The following BIRC6 variants were observed in gnomAD, a reference collection of about 807,000 sequenced individuals.
BIRC6 encodes the protein baculoviral IAP repeat containing 6, also known as dual E2 ubiquitin-conjugating enzyme/E3 ubiquitin-protein ligase BIRC6.
A neutral mutation model predicts 503.3 loss-of-function variants in BIRC6; 98 were observed. That is an observed-to-expected ratio of 0.19 (90% CI 0.17 to 0.23). The LOEUF is 0.23. Among genes scored for constraint, BIRC6 ranks in the 10% least tolerant of loss-of-function variants. The probability of loss-of-function intolerance (pLI) is 1.00; values close to 1 mark genes in which losing one functional copy is unlikely to be tolerated. For missense variants in BIRC6, 5,360 were observed against 5,806.0 expected, an observed-to-expected ratio of 0.92 and a Z score of 2.50; for synonymous variants, 2,240 against 2,078.7, an observed-to-expected ratio of 1.08 and a Z score of -2.11.
At chr2:32,482,324 T>G in intron 38 of BIRC6, 105 bp from the exon 39 acceptor site, 6 of 1,099,920 alleles carry the variant, frequency 5.5e-6, no homozygotes, top group Non-Finnish European at 7.7e-6. Flanking sequence ...AAAGGGTGGA[T>G]AGAATATTTA....
intron 47 of BIRC6, among the ~76,000 whole-genome samples, chr2:32,502,255 G>A (rs2149477489): frequency 6.6e-6 from 1 of 152,120 alleles, no homozygotes; most frequent in East Asian, 1.9e-4. Context: ...TTTATGTTGT[G>A]TATTCAGCTT....
At chr2:32,578,098 G>A (rs1003202802) in intron 66 of BIRC6, among the ~76,000 whole-genome samples, 1 of 152,046 alleles carries the variant, frequency 6.6e-6, no homozygotes, top group African/African-American at 2.4e-5. Flanking sequence ...GCTAATCTGT[G>A]CAGCCTCTGT....
intron 65 of BIRC6, among the ~76,000 whole-genome samples, chr2:32,566,812 CTA>C (rs2059565064): frequency 6.6e-6 from 1 of 152,072 alleles, no homozygotes; most frequent in Non-Finnish European, 1.5e-5. Context: ...TGCAGTTTCT[CTA>C]TTTTACAGTT....
At chr2:32,391,920 A>C in intron 4 of BIRC6, 119 bp from the exon 5 acceptor site, 1 of 641,102 alleles carries the variant, frequency 1.6e-6, no homozygotes, top group Non-Finnish European at 2.6e-6. Flanking sequence ...GAACTTGTTC[A>C]TCAGACCATT....
rs1255164453 is a variant in BIRC6 at position 32,401,307 on chromosome 2, G to A, written c.1179G>A (p.Ser393=). 1.2e-6 allele frequency: 2 copies of A among 1,613,982 alleles called. No individual in the cohort carries two copies. Among genetic ancestry groups the A allele is most frequent in the Admixed American group, 1.7e-5 (1 of 60,026 alleles). The change falls in exon 7 of 74, where the codon TCG becomes TCA. Residue 393 remains serine (S), a synonymous_variant. Transcript: ENST00000421745. The part of the protein sequence containing the change: ...DGTDRISCFG[S]GSCPHFLAAA... ...CTGACAGAATATCTTGCTTTGGGTCGGGGAGCTGCCCTCATTTTCTAGCTG... is the reference window on the plus strand; with the variant it reads ...CTGACAGAATATCTTGCTTTGGGTCAGGGAGCTGCCCTCATTTTCTAGCTG...
chr2:32,438,481 A>ATTT (rs2044996527), intron 15 of BIRC6, among the ~76,000 whole-genome samples: 1 of 151,636 alleles, frequency 6.6e-6, no homozygotes, highest in South Asian at 2.1e-4. Context: ...TAAGAAATGT[A>ATTT]TTTTATATAT....
chr2:32,477,723 A>T, intron 35 of BIRC6, 140 bp downstream of exon 35: 2 of 336,592 alleles, frequency 5.9e-6, no homozygotes, highest in Non-Finnish European at 9.8e-6. Flanking sequence ...ATGTGGCAAA[A>T]CCCCGTCTCT....
intron 10 of BIRC6, among the ~76,000 whole-genome samples, chr2:32,420,146 G>A (rs1048112995): frequency 6.6e-6 from 1 of 152,118 alleles, no homozygotes. Flanking sequence ...GATATTATAT[G>A]TTCCTTGTAA....
chr2:32,412,657 AT>A (rs911294806), intron 9 of BIRC6, among the ~76,000 whole-genome samples: 109 of 148,206 alleles, frequency 7.4e-4, no homozygotes, highest in East Asian at 5.5e-3. Flanking sequence ...CTTCCTAGTT[AT>A]TTTTTTTTTT....
At position 32,515,163 on chromosome 2, in the gene BIRC6, A is replaced by G. The variant is rs1028013396; in HGVS notation, c.10742A>G (p.Asp3581Gly). 2.4e-5 allele frequency: 38 copies of G among 1,613,894 alleles called. No homozygotes were observed. Among genetic ancestry groups the G allele is most frequent in the Non-Finnish European group, 2.9e-5 (34 of 1,179,890 alleles). The change falls in exon 55 of 74, where the codon GAT (aspartate) becomes GGT (glycine). Residue 3581 changes from aspartate (D) to glycine (G), a missense_variant. Asp to Gly is a moderately conservative substitution (Grantham distance 94). Transcript: ENST00000421745. ...VQCHHRLSMT[D>G]DSKKQDLSSS... ...TGTCATCATAGACTGTCCATGACAGATGATAGCAAAAAGCAGGATCTTAGT... is the reference window on the plus strand; with the variant it reads ...TGTCATCATAGACTGTCCATGACAGGTGATAGCAAAAAGCAGGATCTTAGT...
intron 5 of BIRC6, among the ~76,000 whole-genome samples, chr2:32,393,402 AAACT>A (rs2039489420): frequency 6.6e-6 from 1 of 152,234 alleles, no homozygotes; most frequent in Admixed American, 6.5e-5. Context: ...ATTTAATAGG[AAACT>A]TAAACTGAGT....
chr2:32,397,574 C>CTGTGTGTGTGTGTGTGTG (rs147651911), intron 6 of BIRC6, among the ~76,000 whole-genome samples: 55 of 138,062 alleles, frequency 4.0e-4, no homozygotes, highest in African/African-American at 1.4e-3. Context: ...CCCGTAAAGG[C>CTGTGTGTGTGTGTGTGTG]TGTGTGTGTG....
chr2:32,462,667 C>G (rs561351693), intron 23 of BIRC6, among the ~76,000 whole-genome samples: 1 of 152,142 alleles, frequency 6.6e-6, no homozygotes, highest in African/African-American at 2.4e-5. Context: ...GCAAACTCAT[C>G]ATTGCTGGGC....
chr2:32,424,516 C>A (rs1334591969), intron 10 of BIRC6, among the ~76,000 whole-genome samples: 1 of 151,292 alleles, frequency 6.6e-6, no homozygotes, highest in East Asian at 1.9e-4. Flanking sequence ...CTATGTTCAA[C>A]CCTTTTTTTT....
At chr2:32,465,203 T>TTTTCTTAGTC in intron 26 of BIRC6, 39 bp downstream of exon 26, 1 of 1,094,900 alleles carries the variant, frequency 9.1e-7, no homozygotes, top group Non-Finnish European at 1.3e-6. Context: ...TTTTTTTTTT[T>TTTTCTTAGTC]TGCTTAGTCT....
chr2:32,451,728 TGACA>T (rs1311513251), intron 22 of BIRC6, among the ~76,000 whole-genome samples: 1 of 152,198 alleles, frequency 6.6e-6, no homozygotes, highest in Non-Finnish European at 1.5e-5. Flanking sequence ...CAGTAATGAC[TGACA>T]GACAAACTAC....
chr2:32,442,181 A>G lies in BIRC6; in HGVS notation c.4061A>G (p.Asp1354Gly), dbSNP rs2045506500. Reference sequence around the variant, plus strand: ...GAACATGCCCAGAGCCTTGTGTTGGATACTCTCTGTTGGTTAGCTGGAGTT... The same window carrying G: ...GAACATGCCCAGAGCCTTGTGTTGGGTACTCTCTGTTGGTTAGCTGGAGTT... ...ITEHAQSLVL[D>G]TLCWLAGVHS... is the part of the protein sequence containing the mutation. The change falls in exon 18 of 74, where the codon GAT (aspartate) becomes GGT (glycine). Residue 1354 changes from aspartate to glycine, a missense_variant. Asp to Gly is a moderately conservative substitution (Grantham distance 94, BLOSUM62 -1). This residue lies in a region of BIRC6 where 2,299 missense variants were observed against 2,267.2 expected (regional missense o/e 1.01). Transcript: ENST00000421745. 6.2e-7 allele frequency: 1 copy of G among 1,610,276 alleles called. No individual in the cohort carries two copies. Among genetic ancestry groups the G allele is most frequent in the Non-Finnish European group, 8.5e-7 (1 of 1,178,868 alleles).
At chr2:32,433,036 G>C (rs1462348119) in intron 12 of BIRC6, among the ~76,000 whole-genome samples, 2 of 152,142 alleles carry the variant, frequency 1.3e-5, no homozygotes, top group African/African-American at 2.4e-5. Context: ...GAGGTACAAG[G>C]AATAGAATTT....
intron 1 of BIRC6, among the ~76,000 whole-genome samples, chr2:32,364,555 TAGAC>T (rs2034604038): frequency 6.6e-6 from 1 of 152,170 alleles, no homozygotes; most frequent in South Asian, 2.1e-4. Context: ...TCAGTGTTCT[TAGAC>T]AAACACTCCA....
Sources: allele counts gnomAD v4.1 joint callset (sites outside exome capture counted in the v4.1 genomes callset), GRCh38; gene constraint gnomAD v4.1.1; regional missense constraint gnomAD v4.1.1; transcripts MANE v1.5; gene names NCBI Gene and HGNC (gene_info 2026-07-23, HGNC 2026-07-21).